Variants in LGR6 observed in about 807,000 individuals in gnomAD.
LGR6 encodes leucine rich repeat containing G protein-coupled receptor 6.
In LGR6, 45 loss-of-function variants were observed where a neutral mutation model predicts 69.4. The ratio of observed to expected loss-of-function variants is 0.65; its 90% CI spans 0.51 to 0.83. The LOEUF is 0.83. Ranked by LOEUF, LGR6 falls within the 40% of genes least tolerant of loss-of-function variation. LGR6 has a pLI of 0.00. For synonymous variants in LGR6, 538 were observed against 555.0 expected (o/e 0.97, Z 0.43); for missense variants, 1,108 against 1,246.7 (o/e 0.89, Z 1.68).
At chr1:202,204,628 CACACACACCTCCAA>C (rs2147897046) in intron 1 of LGR6, among the ~76,000 whole-genome samples, 2 of 49,366 alleles carry the variant, frequency 4.1e-5, no homozygotes, top group African/African-American at 8.3e-5. Flanking sequence ...CTCCTTCAAA[CACACACACCTCCAA>C]ACACACACAC....
At chr1:202,224,229 G>A (rs552931215) in intron 1 of LGR6, among the ~76,000 whole-genome samples, 1 of 152,234 alleles carries the variant, frequency 6.6e-6, no homozygotes, top group South Asian at 2.1e-4. Context: ...GGTTGTTTGG[G>A]TAAAGATTAG....
intron 6 of LGR6, among the ~76,000 whole-genome samples, chr1:202,296,335 G>A (rs139603594): frequency 5.3e-5 from 8 of 152,240 alleles, no homozygotes; most frequent in African/African-American, 1.4e-4. Context: ...AGGCTAAGTC[G>A]TTGACTACTG....
chr1:202,276,365 C>G lies in LGR6; in HGVS notation c.488C>G (p.Ser163Cys), dbSNP rs747408179. 1 of 1,614,216 alleles carries G rather than the reference C, an allele frequency of 6.2e-7. No homozygotes were observed. The highest frequency in any genetic ancestry group is 1.1e-5 in the South Asian group (1 of 91,084). ...VPERSFEGLS[S>C]LRHLWLDDNA... ...GAGAGGAGCTTTGAGGGGCTGTCCT[C>G]CCTCCGCCACCTCTGGCTGGACGAC... The change falls in exon 5 of 18, where the codon TCC becomes TGC. Residue 163 changes from serine to cysteine, a missense_variant. Ser to Cys is a moderately radical substitution (Grantham distance 112, BLOSUM62 -1). Transcript: ENST00000367278.
At chr1:202,276,283 C>G (rs1046850002) in intron 4 of LGR6, 23 bp from the exon 5 acceptor site, 2 of 1,597,682 alleles carry the variant, frequency 1.3e-6, no homozygotes, top group African/African-American at 2.7e-5. Flanking sequence ...GGATTGACCC[C>G]TCTCCATCCT....
At chr1:202,206,385 C>G (rs553226883) in intron 1 of LGR6, among the ~76,000 whole-genome samples, 1 of 152,338 alleles carries the variant, frequency 6.6e-6, no homozygotes, top group South Asian at 2.1e-4. Flanking sequence ...ACGTCTCAGG[C>G]CACCATGGAC....
At chr1:202,254,731 C>T (rs905444080) in intron 4 of LGR6, among the ~76,000 whole-genome samples, 1 of 152,024 alleles carries the variant, frequency 6.6e-6, no homozygotes, top group Non-Finnish European at 1.5e-5. Context: ...GGTGAGTGTG[C>T]CAGCACTGTG....
chr1:202,241,468 A>G (rs1332680548), intron 4 of LGR6, among the ~76,000 whole-genome samples: 1 of 152,234 alleles, frequency 6.6e-6, no homozygotes, highest in Non-Finnish European at 1.5e-5. Flanking sequence ...TGTGGTACAC[A>G]AACTGTTTGG....
chr1:202,277,547 G>A (rs1271253660), intron 5 of LGR6, among the ~76,000 whole-genome samples: 3 of 152,100 alleles, frequency 2.0e-5, no homozygotes, highest in African/African-American at 7.2e-5. Context: ...AGAGGGTGGG[G>A]TCAGGCCTCT....
At chr1:202,260,258 C>T (rs577301090) in intron 4 of LGR6, among the ~76,000 whole-genome samples, 4 of 152,020 alleles carry the variant, frequency 2.6e-5, no homozygotes, top group South Asian at 4.2e-4. Context: ...AGACTGATTT[C>T]GAACTCCTAA....
chr1:202,241,276 C>T (rs545342113), intron 4 of LGR6, among the ~76,000 whole-genome samples: 3 of 152,340 alleles, frequency 2.0e-5, no homozygotes, highest in African/African-American at 7.2e-5. Flanking sequence ...CACTTAGGAA[C>T]CTGAGCAAAC....
At chr1:202,208,952 A>G (rs1659361702) in intron 1 of LGR6, among the ~76,000 whole-genome samples, 1 of 152,048 alleles carries the variant, frequency 6.6e-6, no homozygotes, top group East Asian at 1.9e-4. Flanking sequence ...GAAGCTCAGA[A>G]ACTTGGCCTG....
At chr1:202,232,659 A>C (rs1385880981) in intron 3 of LGR6, among the ~76,000 whole-genome samples, 3 of 137,522 alleles carry the variant, frequency 2.2e-5, no homozygotes, top group Non-Finnish European at 5.1e-5. Flanking sequence ...CACCATCTCT[A>C]CAAAAAAATG....
intron 1 of LGR6, among the ~76,000 whole-genome samples, chr1:202,199,312 C>T (rs1218248990): frequency 1.3e-5 from 2 of 152,090 alleles, no homozygotes; most frequent in Non-Finnish European, 1.5e-5. Flanking sequence ...CCCTGGGGCT[C>T]TCCTGTGCCA....
At chr1:202,236,276 C>A in intron 4 of LGR6, 1 of 473,968 alleles carries the variant, frequency 2.1e-6, no homozygotes, top group South Asian at 2.6e-5. Context: ...ACCAGGCCAG[C>A]GGTCCTGGGG....
At chr1:202,197,427 A>G in intron 1 of LGR6, 2 of 532,972 alleles carry the variant, frequency 3.8e-6, no homozygotes, top group Non-Finnish European at 7.7e-6. Flanking sequence ...CTTTTTTGCA[A>G]CAGTTTCCTC....
At chr1:202,233,393 C>A (rs1037640340) in intron 3 of LGR6, among the ~76,000 whole-genome samples, 1 of 152,118 alleles carries the variant, frequency 6.6e-6, no homozygotes, top group Non-Finnish European at 1.5e-5. Flanking sequence ...GAGCAGCCTG[C>A]GACCCCCTGT....
Position 202,225,339 on chromosome 1 carries a change from C to T in LGR6, c.213-84C>T, listed in dbSNP as rs1458549933. On this transcript the variant is annotated intron_variant, in intron 1 of 17. Transcript: ENST00000367278. ...GGGTACTGTGGGAGCCTCGGAGGTC[C>T]CTCGAGGGGGGTTGGCACCTGGACA... is the stretch of plus-strand genomic sequence containing the variant. 4 of 1,276,888 alleles carry T rather than the reference C, an allele frequency of 3.1e-6. No individual in the cohort carries two copies. In the South Asian group the frequency reaches 4.8e-5, roughly 15 times the overall value. The allele number at this position is 1,276,888 out of a possible 1,614,324, so 79.1% of individuals were successfully genotyped here. A position where few individuals can be genotyped will look rare whatever the true frequency, so the allele number is the denominator to read the frequency against.
intron 6 of LGR6, among the ~76,000 whole-genome samples, chr1:202,293,536 A>G (rs1666943459): frequency 6.6e-6 from 1 of 151,464 alleles, no homozygotes; most frequent in Admixed American, 6.6e-5. Context: ...TCTACCTTCC[A>G]CTTTACCCAG....
At chr1:202,296,968 T>C (rs1209326781) in intron 6 of LGR6, among the ~76,000 whole-genome samples, 2 of 151,742 alleles carry the variant, frequency 1.3e-5, no homozygotes, top group Non-Finnish European at 2.9e-5. Flanking sequence ...TGATATATGC[T>C]CATTGCAAAA....
Sources: allele counts gnomAD v4.1 joint callset (sites outside exome capture counted in the v4.1 genomes callset), GRCh38; gene constraint gnomAD v4.1.1; transcripts MANE v1.5; gene names NCBI Gene and HGNC (gene_info 2026-07-23, HGNC 2026-07-21).